The following RPTOR variants were observed in gnomAD, a reference collection of about 807,000 sequenced individuals.
RPTOR encodes the protein regulatory associated protein of MTOR complex 1.
RPTOR carries 21 observed loss-of-function variants against 169.9 expected under a neutral mutation model. The observed-to-expected ratio is 0.12, with a 90% confidence interval of 0.09 to 0.18. RPTOR has a LOEUF of 0.18. Ranked by LOEUF, RPTOR falls within the 10% of genes least tolerant of loss-of-function variation. RPTOR has a pLI of 1.00. For missense variants in RPTOR, 1,133 were observed against 1,855.9 expected, an observed-to-expected ratio of 0.61 and a Z score of 7.16; for synonymous variants, 732 against 753.2, an observed-to-expected ratio of 0.97 and a Z score of 0.46.
chr17:80,582,434 C>T (rs569303411), intron 1 of RPTOR, among the ~76,000 whole-genome samples: 24 of 152,084 alleles, frequency 1.6e-4, no homozygotes, highest in Admixed American at 4.6e-4. Context: ...ACTGTGTGGA[C>T]GCAGATCCTG....
intron 6 of RPTOR, among the ~76,000 whole-genome samples, chr17:80,772,176 C>T (rs2066850284): frequency 6.6e-6 from 1 of 152,218 alleles, no homozygotes; most frequent in African/African-American, 2.4e-5. Context: ...CTGGACCACA[C>T]AGGCCAGAGT....
At position 80,701,904 on chromosome 17, in the gene RPTOR, G is replaced by A. The variant is rs185718160; in HGVS notation, c.349-5937G>A. On this transcript the variant is annotated intron_variant, in intron 3 of 33. Coordinates refer to ENST00000306801, the MANE Select transcript of RPTOR (RefSeq NM_020761.3). ...GAGCCCCTCCTCTTCCCAGGTGGCCGTCTCTCCTTGATCCACACCAGCGGC... is the reference window on the plus strand; with the variant it reads ...GAGCCCCTCCTCTTCCCAGGTGGCCATCTCTCCTTGATCCACACCAGCGGC... Among the ~76,000 whole-genome samples, 435 of 151,946 alleles carry A rather than the reference G, an allele frequency of 2.9e-3. 3 individuals are homozygous for A. The highest frequency in any genetic ancestry group is 8.9e-3 in the African/African-American group (370 of 41,416).
chr17:80,636,082 C>T (rs931918965), intron 2 of RPTOR, among the ~76,000 whole-genome samples: 1 of 152,122 alleles, frequency 6.6e-6, no homozygotes, highest in Non-Finnish European at 1.5e-5. Context: ...ATCAAGACTC[C>T]AGCTTTATTC....
chr17:80,636,779 G>A (rs1224699233), intron 2 of RPTOR, among the ~76,000 whole-genome samples: 3 of 152,158 alleles, frequency 2.0e-5, no homozygotes, highest in African/African-American at 7.2e-5. Flanking sequence ...ACACGCCCCA[G>A]TGCTGCATGG....
chr17:80,906,583 T>C (rs12951596), intron 20 of RPTOR, among the ~76,000 whole-genome samples: 134,555 of 152,282 alleles, frequency 0.88, 59,649 homozygotes, highest in African/African-American at 0.95. Flanking sequence ...CACACATGTG[T>C]ATGGGCAAGA....
At chr17:80,781,976 C>G (rs1020903978) in intron 6 of RPTOR, among the ~76,000 whole-genome samples, 4 of 152,220 alleles carry the variant, frequency 2.6e-5, no homozygotes, top group Admixed American at 6.5e-5. Context: ...GCAGCCATGT[C>G]AGAGCTCTGG....
In RPTOR at chr17:80,655,226, C is replaced by G. The variant is rs181893634; in HGVS notation, c.348+11416C>G. 9.5e-4 allele frequency among the ~76,000 whole-genome samples: 144 copies of G among 152,238 alleles called. 2 individuals are homozygous for G. In the East Asian group the frequency reaches 0.026, roughly 27 times the overall value. ...TCAGCCTCCCGAATAGCTGGGACTG[C>G]AGGCACATGCCACCACACCTGGCTA... is the stretch of plus-strand genomic sequence containing the variant. On this transcript the variant is annotated intron_variant, in intron 3 of 33. Coordinates refer to ENST00000306801, the MANE Select transcript of RPTOR (RefSeq NM_020761.3).
At chr17:80,903,715 C>T (rs866166010) in intron 20 of RPTOR, among the ~76,000 whole-genome samples, 37 of 152,242 alleles carry the variant, frequency 2.4e-4, no homozygotes, top group Admixed American at 5.2e-4. Context: ...TTACAAGCCC[C>T]GCGTGCAGCT....
At chr17:80,595,459 G>GT (rs34881395) in intron 1 of RPTOR, among the ~76,000 whole-genome samples, 2 of 152,032 alleles carry the variant, frequency 1.3e-5, no homozygotes. Context: ...AGCAGACAGG[G>GT]TTTTTCCCCC....
intron 25 of RPTOR, 190 bp from the exon 26 acceptor site, chr17:80,945,477 A>G (rs886200002): frequency 7.0e-6 from 3 of 428,666 alleles, no homozygotes; most frequent in African/African-American, 2.1e-5. Context: ...CTGTAGTCCC[A>G]GCTACTCAGG....
At chr17:80,873,560 G>T (rs2068074046) in intron 13 of RPTOR, among the ~76,000 whole-genome samples, 2 of 152,208 alleles carry the variant, frequency 1.3e-5, no homozygotes, top group Non-Finnish European at 2.9e-5. Context: ...TGCAAAGGGT[G>T]GGGAGAGAAG....
At chr17:80,815,779 T>C (rs950522543) in intron 7 of RPTOR, among the ~76,000 whole-genome samples, 1 of 152,176 alleles carries the variant, frequency 6.6e-6, no homozygotes, top group African/African-American at 2.4e-5. Context: ...TGTCATCCTG[T>C]GCTGGACAGT....
chr17:80,940,630 G>T, intron 25 of RPTOR, 29 bp downstream of exon 25: 1 of 1,565,364 alleles, frequency 6.4e-7, no homozygotes, highest in Non-Finnish European at 8.7e-7. Context: ...CCAGCCAGGG[G>T]CTCATTCCGG....
chr17:80,927,546 A>G (rs1047691840), intron 24 of RPTOR, among the ~76,000 whole-genome samples: 1 of 152,080 alleles, frequency 6.6e-6, no homozygotes, highest in African/African-American at 2.4e-5. Flanking sequence ...AAGCATTTTT[A>G]AGTACACAGC....
rs2065706106 is a variant in RPTOR at position 80,659,640 on chromosome 17, G to A, written c.348+15830G>A. 6.6e-6 allele frequency among the ~76,000 whole-genome samples: 1 copy of A among 152,082 alleles called. No individual in the cohort carries two copies. ...TCCTGCCTCAGCCTCCCAAGTAGCTGGGACTACGGGCACGCACCAGCACAC... is the reference window on the plus strand; with the variant it reads ...TCCTGCCTCAGCCTCCCAAGTAGCTAGGACTACGGGCACGCACCAGCACAC... On this transcript the variant is annotated intron_variant, in intron 3 of 33. Transcript: ENST00000306801. The surrounding 1 kb of genome is among the most constrained non-coding windows in gnomAD (Gnocchi z 4.3).
chr17:80,818,589 C>A (rs779605054), intron 7 of RPTOR, among the ~76,000 whole-genome samples: 9 of 152,120 alleles, frequency 5.9e-5, no homozygotes, highest in Non-Finnish European at 8.8e-5. Context: ...ACCTTGTCAC[C>A]CCCAGTAGGA....
chr17:80,669,163 T>C (rs1228348698), intron 3 of RPTOR, among the ~76,000 whole-genome samples: 1 of 152,178 alleles, frequency 6.6e-6, no homozygotes, highest in Non-Finnish European at 1.5e-5. Context: ...TTCTGGGGCT[T>C]TCTAGGGCGT....
intron 20 of RPTOR, among the ~76,000 whole-genome samples, chr17:80,905,636 A>G (rs1374718300): frequency 6.6e-6 from 1 of 151,302 alleles, no homozygotes; most frequent in Non-Finnish European, 1.5e-5. Context: ...AGCAGCTAAT[A>G]CATCTCACAC....
At chr17:80,771,563 C>T (rs969063729) in intron 6 of RPTOR, among the ~76,000 whole-genome samples, 10 of 152,260 alleles carry the variant, frequency 6.6e-5, no homozygotes, top group African/African-American at 1.7e-4. Context: ...CAACCTAGAA[C>T]GCCCCCTCTC....
Sources: allele counts gnomAD v4.1 joint callset (sites outside exome capture counted in the v4.1 genomes callset), GRCh38; gene constraint gnomAD v4.1.1; non-coding constraint Gnocchi (gnomAD v3.1); transcripts MANE v1.5; gene names NCBI Gene and HGNC (gene_info 2026-07-23, HGNC 2026-07-21).